The following MAP7D2 variants were observed in gnomAD, a reference collection of about 807,000 sequenced individuals.
The protein encoded by MAP7D2 is MAP7 domain-containing protein 2.
In MAP7D2, 33 loss-of-function variants were observed where a neutral mutation model predicts 63.5. The ratio of observed to expected loss-of-function variants is 0.52; its 90% CI spans 0.39 to 0.70. The LOEUF is 0.70. Ranked by LOEUF, MAP7D2 falls within the 30% of genes least tolerant of loss-of-function variation. The probability of loss-of-function intolerance (pLI) is 0.00; values close to 1 mark genes in which losing one functional copy is unlikely to be tolerated. For synonymous variants in MAP7D2, 224 were observed against 223.7 expected, an observed-to-expected ratio of 1.00 and a Z score of -0.01; for missense variants, 626 against 604.0, an observed-to-expected ratio of 1.04 and a Z score of -0.38.
chrX:20,034,271 C>T (rs1000008761), intron 8 of MAP7D2, among the ~76,000 whole-genome samples: 8 of 103,442 alleles, frequency 7.7e-5, no homozygotes, highest in African/African-American at 1.1e-4. Context: ...TATAACTGGC[C>T]AGGTGCAGTG....
chrX:20,087,051 A>T (rs1459879702), intron 1 of MAP7D2, among the ~76,000 whole-genome samples: 2 of 112,532 alleles, frequency 1.8e-5, no homozygotes, highest in Non-Finnish European at 3.7e-5. Context: ...GCAGAGGTGC[A>T]TTGCAAACTC....
rs570543050 is a variant in MAP7D2, at chrX:20,076,204, C to T, written c.131-11399G>A. Among the ~76,000 whole-genome samples the T allele has an allele frequency of 6.7e-4, 74 of 111,001 alleles. 1 individual carries two copies. In the South Asian group the frequency reaches 0.027, roughly 40 times the overall value. On this transcript the variant is annotated intron_variant, in intron 1 of 16. Coordinates refer to ENST00000379643, the MANE Select transcript of MAP7D2 (RefSeq NM_001168465.2). ...AATGATCTAATCCATTTCCTACCTG[C>T]TATAATTTTCTGAACTGGCTTAAAT...
chrX:20,054,451 A>G (rs1297906953), intron 4 of MAP7D2, among the ~76,000 whole-genome samples: 1 of 111,477 alleles, frequency 9.0e-6, no homozygotes, highest in Non-Finnish European at 1.9e-5. Context: ...TTAAGATATT[A>G]TTTTATCTTT....
chrX:20,090,946 G>A (rs1333516584), intron 1 of MAP7D2, among the ~76,000 whole-genome samples: 1 of 109,612 alleles, frequency 9.1e-6, no homozygotes, highest in African/African-American at 3.3e-5. Context: ...TCCAGTCTGG[G>A]TGACAGAGTG....
At chrX:20,081,939 C>T (rs922005349) in intron 1 of MAP7D2, among the ~76,000 whole-genome samples, 1 of 111,713 alleles carries the variant, frequency 9.0e-6, no homozygotes, top group Admixed American at 9.5e-5. Flanking sequence ...CATAACCCAC[C>T]GCGCCCGGCC....
chrX:20,043,464 T>C (rs73445257), intron 7 of MAP7D2, among the ~76,000 whole-genome samples: 3,104 of 111,378 alleles, frequency 0.028, 109 homozygotes, highest in African/African-American at 0.096. Flanking sequence ...AGCTGTGGCA[T>C]CATTTGGATA....
intron 4 of MAP7D2, among the ~76,000 whole-genome samples, chrX:20,054,748 A>G (rs2065031323): frequency 9.0e-6 from 1 of 110,506 alleles, no homozygotes; most frequent in Non-Finnish European, 1.9e-5. Context: ...CACTTGACTA[A>G]TTTTTGTATT....
intron 4 of MAP7D2, among the ~76,000 whole-genome samples, chrX:20,055,076 C>CT (rs34507328): frequency 4.9e-4 from 51 of 103,302 alleles, no homozygotes; most frequent in Admixed American, 1.6e-3. Context: ...CCTTTTACAG[C>CT]TTTTTTTTTT....
intron 16 of MAP7D2, among the ~76,000 whole-genome samples, chrX:20,009,127 C>A (rs188021377): frequency 1.4e-4 from 16 of 111,347 alleles, no homozygotes; most frequent in Middle Eastern, 4.6e-3. Flanking sequence ...AAAAGTGACC[C>A]ACCACACACC....
intron 1 of MAP7D2, among the ~76,000 whole-genome samples, chrX:20,069,431 A>G (rs1475746058): frequency 9.1e-6 from 1 of 110,133 alleles, no homozygotes; most frequent in African/African-American, 3.3e-5. Context: ...TGATGTTGGA[A>G]CTCCTAGGCT....
At chrX:20,034,133 GA>G (rs1294313636) in intron 8 of MAP7D2, among the ~76,000 whole-genome samples, 1 of 98,873 alleles carries the variant, frequency 1.0e-5, no homozygotes, top group African/African-American at 3.9e-5. Flanking sequence ...GCTGAGGCAG[GA>G]AAATTGCTTG....
In MAP7D2 at chrX:20,006,782, T is replaced by C. The variant is rs1315097366; in HGVS notation, c.*1643A>G. 5 of 111,592 alleles carry C rather than the reference T, an allele frequency of 4.5e-5. No individual in the cohort carries two copies. Among genetic ancestry groups the C allele is most frequent in the Non-Finnish European group, 7.5e-5 (4 of 53,136 alleles). The allele number at this position is 111,592 out of a possible 1,213,427, so 9.2% of individuals were successfully genotyped here. On this transcript the variant is annotated 3_prime_UTR_variant, in exon 17 of 17. Transcript: ENST00000379643. Reference sequence around the variant, plus strand: ...AGGACACCCACACAGGATTTTTTGGTTTTCTTCTACACAGGTTTTTAAAAG... The same window carrying C: ...AGGACACCCACACAGGATTTTTTGGCTTTCTTCTACACAGGTTTTTAAAAG...
chrX:20,083,639 C>G (rs1280480555), intron 1 of MAP7D2, among the ~76,000 whole-genome samples: 1 of 112,122 alleles, frequency 8.9e-6, no homozygotes, highest in African/African-American at 3.2e-5. Flanking sequence ...AACTGTCATA[C>G]TTAAAGGTCA....
At chrX:20,029,773 T>C (rs1440670135) in intron 8 of MAP7D2, among the ~76,000 whole-genome samples, 1 of 97,827 alleles carries the variant, frequency 1.0e-5, no homozygotes, top group Non-Finnish European at 2.0e-5. Flanking sequence ...ATTAGAAAAG[T>C]GTGGGCAAGT....
intron 8 of MAP7D2, among the ~76,000 whole-genome samples, chrX:20,029,400 T>C (rs190495875): frequency 2.9e-3 from 319 of 111,782 alleles, no homozygotes; most frequent in African/African-American, 9.6e-3. Flanking sequence ...CCCATCTAAG[T>C]AAATGGAAAT....
chrX:20,020,281 C>T (rs1270895215), intron 10 of MAP7D2, among the ~76,000 whole-genome samples: 1 of 111,230 alleles, frequency 9.0e-6, no homozygotes. Flanking sequence ...CTTCTGCATG[C>T]ATGTTTTCCA....
At chrX:20,028,893 A>G (rs2073958463) in intron 8 of MAP7D2, among the ~76,000 whole-genome samples, 2 of 112,195 alleles carry the variant, frequency 1.8e-5, no homozygotes, top group Admixed American at 1.9e-4. Flanking sequence ...TTCTCATCCC[A>G]TAAGCATTCC....
At chrX:20,040,946 C>CA (rs2064637567) in intron 8 of MAP7D2, among the ~76,000 whole-genome samples, 1 of 111,197 alleles carries the variant, frequency 9.0e-6, no homozygotes, top group African/African-American at 3.3e-5. Context: ...ACAACAACAA[C>CA]AACAAAAAAA....
chrX:20,045,527 GAAAAAAAAAAAA>G (rs1170223479), intron 6 of MAP7D2, among the ~76,000 whole-genome samples: 9 of 18,014 alleles, frequency 5.0e-4, no homozygotes, highest in Non-Finnish European at 6.4e-4. Flanking sequence ...ACCCCATCTC[GAAAAAAAAAAAA>G]AAAAAAAAAA....
Sources: gnomAD v4.1 joint callset for allele counts (sites outside exome capture counted in the v4.1 genomes callset) on GRCh38, gnomAD v4.1.1 for gene constraint, MANE v1.5 for transcripts, NCBI Gene and HGNC (gene_info 2026-07-23, HGNC 2026-07-21) for gene names.